The following CAMK1D variants were observed in gnomAD, a reference collection of about 807,000 sequenced individuals.
The protein encoded by CAMK1D is calcium/calmodulin-dependent protein kinase type 1D.
A neutral mutation model predicts 47.7 loss-of-function variants in CAMK1D; 9 were observed. That is an observed-to-expected ratio of 0.19 (90% CI 0.11 to 0.33). The LOEUF (loss-of-function observed/expected upper bound fraction) is 0.33. CAMK1D is among the 10% of genes least tolerant of loss of function. CAMK1D has a pLI of 1.00. For synonymous variants in CAMK1D, 184 were observed against 184.9 expected, an observed-to-expected ratio of 0.99 and a Z score of 0.04; for missense variants, 291 against 488.7, an observed-to-expected ratio of 0.60 and a Z score of 3.81.
chr10:12,671,051 A>C (rs1840601000), intron 3 of CAMK1D, among the ~76,000 whole-genome samples: 1 of 152,202 alleles, frequency 6.6e-6, no homozygotes, highest in Admixed American at 6.5e-5. Flanking sequence ...GAATTATACA[A>C]CATGTGATCT....
At chr10:12,810,152 A>AAAAAAAAAAG (rs1162415468) in intron 6 of CAMK1D, among the ~76,000 whole-genome samples, 2 of 75,110 alleles carry the variant, frequency 2.7e-5, no homozygotes, top group Non-Finnish European at 4.7e-5. Context: ...CTGTCTCATT[A>AAAAAAAAAAG]AAAAAAAAAA....
chr10:12,393,737 G>C (rs1277277266), intron 1 of CAMK1D, among the ~76,000 whole-genome samples: 1 of 152,244 alleles, frequency 6.6e-6, no homozygotes, highest in East Asian at 1.9e-4. Flanking sequence ...ATGGGGAAGT[G>C]TCCTGCTCTG....
chr10:12,547,689 C>CAG (rs1836437784), intron 1 of CAMK1D, among the ~76,000 whole-genome samples: 1 of 142,232 alleles, frequency 7.0e-6, no homozygotes, highest in African/African-American at 2.6e-5. Context: ...CTCTCACACA[C>CAG]ACACACACAC....
At chr10:12,551,613 C>T (rs1467386554) in intron 1 of CAMK1D, among the ~76,000 whole-genome samples, 1 of 152,102 alleles carries the variant, frequency 6.6e-6, no homozygotes, top group African/African-American at 2.4e-5. Context: ...TGGTGGACAC[C>T]TGTAATCCCA....
chr10:12,734,104 G>A lies in CAMK1D; in HGVS notation c.300-26844G>A, dbSNP rs1046719795. Among the ~76,000 whole-genome samples the A allele has an allele frequency of 2.6e-5, 4 of 151,326 alleles. No homozygotes were observed. The East Asian group carries it at 5.9e-4, about 22-fold the overall frequency. On this transcript the variant is annotated intron_variant, in intron 3 of 10. Transcript: ENST00000619168. The stretch of plus-strand genomic sequence containing the variant: ...GCACGTGGGGAGTCCGAGGCGCGTG[G>A]ATCACTTGAGGTCAGGAGTTCGAGA...
intron 1 of CAMK1D, among the ~76,000 whole-genome samples, chr10:12,526,967 A>G (rs1161400524): frequency 6.6e-6 from 1 of 151,864 alleles, no homozygotes; most frequent in Non-Finnish European, 1.5e-5. Flanking sequence ...GGGAGGATCG[A>G]CTGAACCAGG....
At chr10:12,518,160 G>A (rs1191271436) in intron 1 of CAMK1D, among the ~76,000 whole-genome samples, 1 of 152,080 alleles carries the variant, frequency 6.6e-6, no homozygotes, top group Non-Finnish European at 1.5e-5. Flanking sequence ...GCTACGCAAA[G>A]CTAAGCATTA....
intron 2 of CAMK1D, among the ~76,000 whole-genome samples, chr10:12,611,933 T>C (rs1165884091): frequency 6.6e-6 from 1 of 152,196 alleles, no homozygotes; most frequent in Non-Finnish European, 1.5e-5. Flanking sequence ...CAGGTTATCC[T>C]GCTAATGCCT....
intron 1 of CAMK1D, among the ~76,000 whole-genome samples, chr10:12,541,810 G>A (rs1197586973): frequency 1.3e-5 from 2 of 150,022 alleles, no homozygotes; most frequent in Non-Finnish European, 3.0e-5. Context: ...CTCAAGCCAA[G>A]TACCACTGAC....
At chr10:12,402,707 T>A (rs185721825) in intron 1 of CAMK1D, among the ~76,000 whole-genome samples, 68 of 151,942 alleles carry the variant, frequency 4.5e-4, no homozygotes, top group African/African-American at 1.5e-3. Context: ...AAATCAGCAG[T>A]GGGGTTGGAG....
chr10:12,539,213 G>A (rs543353319), intron 1 of CAMK1D, among the ~76,000 whole-genome samples: 12 of 152,180 alleles, frequency 7.9e-5, no homozygotes, highest in Non-Finnish European at 1.3e-4. Context: ...ACAGCCAAAC[G>A]TCCCTTTAAT....
chr10:12,648,095 G>C (rs1296673483), intron 2 of CAMK1D, among the ~76,000 whole-genome samples: 1 of 152,156 alleles, frequency 6.6e-6, no homozygotes, highest in Admixed American at 6.5e-5. Flanking sequence ...ATTCTTTATT[G>C]AATCATTTGC....
rs548632548 is a variant in CAMK1D, at chr10:12,754,980, G to C, written c.300-5968G>C. On this transcript the variant is annotated intron_variant, in intron 3 of 10. Coordinates refer to ENST00000619168, the MANE Select transcript of CAMK1D (RefSeq NM_153498.4). The stretch of plus-strand genomic sequence containing the variant: ...TCCATAACACCCAGATATAGAGAAG[G>C]CAAAACGCCCAGAATCAGAGTGTAA... 2.0e-5 allele frequency among the ~76,000 whole-genome samples: 3 copies of C among 152,274 alleles called. No individual in the cohort carries two copies. In the South Asian group the frequency reaches 6.2e-4, roughly 32 times the overall value.
At chr10:12,810,675 G>A (rs187836736) in intron 6 of CAMK1D, among the ~76,000 whole-genome samples, 419 of 152,314 alleles carry the variant, frequency 2.8e-3, no homozygotes, top group African/African-American at 9.7e-3. Flanking sequence ...GGCAGGTAGA[G>A]CAAACCAAAC....
At chr10:12,741,035 G>A (rs1019365826) in intron 3 of CAMK1D, among the ~76,000 whole-genome samples, 7 of 152,296 alleles carry the variant, frequency 4.6e-5, no homozygotes, top group African/African-American at 1.7e-4. Context: ...CCTTTTGATG[G>A]AAGAGACTGA....
intron 3 of CAMK1D, among the ~76,000 whole-genome samples, chr10:12,691,360 TA>T (rs1832874225): frequency 1.7e-4 from 1 of 6,022 alleles, no homozygotes; most frequent in Non-Finnish European, 3.6e-4. Context: ...TATATATATA[TA>T]TATATATATA....
rs138005415 is a variant in CAMK1D at position 12,634,898 on chromosome 10, G to A, written c.225-31838G>A. Among the ~76,000 whole-genome samples the A allele has an allele frequency of 1.9e-3, 286 of 152,182 alleles. 2 individuals are homozygous for A. The highest frequency in any genetic ancestry group is 0.017 in the Middle Eastern group (5 of 290). On this transcript the variant is annotated intron_variant, in intron 2 of 10. Transcript: ENST00000619168. ...TCTGCCCATGTTCAGTGGGACTTGG[G>A]TGGCAGCACAAGCAGATGAGGCTTG...
intron 1 of CAMK1D, among the ~76,000 whole-genome samples, chr10:12,361,973 C>G (rs1236552977): frequency 6.6e-6 from 1 of 152,164 alleles, no homozygotes; most frequent in African/African-American, 2.4e-5. Flanking sequence ...CCCCTACCCC[C>G]CGCCGGTCTG....
chr10:12,670,367 A>C (rs1840576088), intron 3 of CAMK1D, among the ~76,000 whole-genome samples: 2 of 151,696 alleles, frequency 1.3e-5, no homozygotes, highest in African/African-American at 4.8e-5. Context: ...TCTTTATTGG[A>C]TTATCATCAC....
Sources: gnomAD v4.1 joint callset for allele counts (sites outside exome capture counted in the v4.1 genomes callset) on GRCh38, gnomAD v4.1.1 for gene constraint, MANE v1.5 for transcripts, NCBI Gene and HGNC (gene_info 2026-07-23, HGNC 2026-07-21) for gene names.